The following VWA3B variants were observed in gnomAD, a reference collection of about 807,000 sequenced individuals.
VWA3B encodes the protein von Willebrand factor A domain containing 3B.
In VWA3B, 138 loss-of-function variants were observed where a neutral mutation model predicts 158.3. The ratio of observed to expected loss-of-function variants is 0.87; its 90% confidence interval spans 0.76 to 1.00. VWA3B has a LOEUF of 1.00. Ranked by LOEUF, VWA3B falls within the 50% of genes least tolerant of loss-of-function variation. VWA3B has a pLI of 0.00. For missense variants in VWA3B, 1,555 were observed against 1,565.1 expected (o/e 0.99, Z 0.11); for synonymous variants, 596 against 587.3 (o/e 1.01, Z -0.21).
chr2:98,233,368 C>T (rs961336872), intron 16 of VWA3B, among the ~76,000 whole-genome samples: 1 of 152,054 alleles, frequency 6.6e-6, no homozygotes, highest in Non-Finnish European at 1.5e-5. Flanking sequence ...GTATTTGTGG[C>T]CTTTGGGAAT....
intron 9 of VWA3B, among the ~76,000 whole-genome samples, chr2:98,182,315 C>T (rs139212899): frequency 6.6e-6 from 1 of 152,282 alleles, no homozygotes; most frequent in Non-Finnish European, 1.5e-5. Flanking sequence ...TTAGGCTGGC[C>T]GGCCACTGAG....
chr2:98,319,391 A>G, the VWA3B span, among the ~76,000 whole-genome samples: 3 of 152,226 alleles, frequency 2.0e-5, no homozygotes, highest in Admixed American at 6.5e-5. Flanking sequence ...GAGAGAAAGT[A>G]TTTGCACTAA....
chr2:98,092,756 T>C (rs934364103), intron 1 of VWA3B, among the ~76,000 whole-genome samples: 2 of 143,028 alleles, frequency 1.4e-5, no homozygotes, highest in Non-Finnish European at 3.0e-5. Context: ...CCACACATAC[T>C]ACCACCACAC....
chr2:98,119,585 C>A lies in VWA3B; in HGVS notation c.364C>A (p.Arg122=). 6.2e-7 allele frequency: 1 copy of A among 1,613,892 alleles called. No individual in the cohort carries two copies. Among genetic ancestry groups the A allele is most frequent in the Non-Finnish European group, 8.5e-7 (1 of 1,179,990 alleles). The part of the protein sequence containing the change: ...LTQAVESYKQ[R]MDWLTSKSRQ... ...ACAAGCTGTGGAGAGCTACAAGCAG[C>A]GAATGGACTGGCTCACCAGCAAGAG... is the stretch of plus-strand genomic sequence containing the variant. Residue 122 remains arginine, a synonymous_variant, in exon 4 of 28, where the codon CGA becomes AGA. Transcript: ENST00000477737.
intron 25 of VWA3B, among the ~76,000 whole-genome samples, chr2:98,301,019 G>A (rs989980039): frequency 5.3e-5 from 8 of 152,134 alleles, no homozygotes; most frequent in African/African-American, 4.8e-5. Flanking sequence ...GGCCAGGTGC[G>A]GTGGCTCACG....
intron 2 of VWA3B, 42 bp downstream of exon 2, chr2:98,093,330 T>G: frequency 2.0e-5 from 32 of 1,599,124 alleles, no homozygotes; most frequent in Non-Finnish European, 2.7e-5. Flanking sequence ...CATTTAGCCT[T>G]TGAGGTGGAG....
chr2:98,099,450 A>G (rs1406150043), intron 2 of VWA3B: 1 of 152,164 alleles, frequency 6.6e-6, no homozygotes, highest in African/African-American at 2.4e-5. Context: ...GAAGCTGGAC[A>G]TATTGGAACT....
rs1373883341 is a variant in VWA3B, at chr2:98,192,911, C to T, written c.1480C>T (p.Gln494Ter). The change falls in exon 11 of 28, where the codon CAG becomes TAG. Residue 494 changes from glutamine to a stop codon, truncating the protein, a stop_gained. Transcript: ENST00000477737. LOFTEE classifies it high-confidence loss of function. The part of the protein sequence containing the change: ...ARIRRRIKWL[Q>*]DGSQSLFGRL... Reference sequence around the variant, plus strand: ...CTTCCTGCCTAGGATTAAATGGCTACAGGATGGGAGTCAAAGCCTCTTTGG... The same window carrying T: ...CTTCCTGCCTAGGATTAAATGGCTATAGGATGGGAGTCAAAGCCTCTTTGG... The T allele has an allele frequency of 1.2e-6, 2 of 1,614,064 alleles. No homozygotes were observed. Among genetic ancestry groups the T allele is most frequent in the South Asian group, 1.1e-5 (1 of 91,088 alleles).
At chr2:98,165,869 T>A (rs560853306) in intron 8 of VWA3B, among the ~76,000 whole-genome samples, 3 of 151,940 alleles carry the variant, frequency 2.0e-5, no homozygotes, top group East Asian at 1.9e-4. Context: ...ATGAACAAAA[T>A]GAACACCAAG....
intron 2 of VWA3B, among the ~76,000 whole-genome samples, chr2:98,103,154 C>T (rs1298758656): frequency 1.3e-5 from 2 of 151,936 alleles, no homozygotes; most frequent in Non-Finnish European, 2.9e-5. Flanking sequence ...TTTTTCATTC[C>T]TGATATTGAT....
intron 22 of VWA3B, among the ~76,000 whole-genome samples, chr2:98,282,069 C>T (rs1006057957): frequency 2.6e-5 from 4 of 152,180 alleles, no homozygotes; most frequent in Admixed American, 6.5e-5. Context: ...CGTTCTTTGA[C>T]GTTAACTGTA....
intron 6 of VWA3B, among the ~76,000 whole-genome samples, chr2:98,132,713 C>T (rs1675973922): frequency 6.6e-6 from 1 of 152,202 alleles, no homozygotes; most frequent in Non-Finnish European, 1.5e-5. Context: ...CCTTGCCCTA[C>T]AGGGCAAGGG....
chr2:98,230,347 T>C (rs1685251889), intron 16 of VWA3B, 140 bp downstream of exon 16: 2 of 873,938 alleles, frequency 2.3e-6, no homozygotes, highest in Non-Finnish European at 3.2e-6. Context: ...TTAAAATAAT[T>C]GTACATTCAC....
intron 8 of VWA3B, 146 bp downstream of exon 8, chr2:98,163,122 G>C (rs990758131): frequency 5.6e-5 from 75 of 1,332,910 alleles, no homozygotes; most frequent in Non-Finnish European, 1.4e-5. Flanking sequence ...GCTGTGTGGG[G>C]TGAGGGGTGG....
intron 24 of VWA3B, among the ~76,000 whole-genome samples, chr2:98,299,558 G>T (rs1478311945): frequency 6.6e-6 from 1 of 152,218 alleles, no homozygotes; most frequent in Non-Finnish European, 1.5e-5. Flanking sequence ...CAGTGCTCTT[G>T]TACCCTGATG....
At chr2:98,254,273 A>G (rs1686976367) in intron 20 of VWA3B, among the ~76,000 whole-genome samples, 1 of 152,128 alleles carries the variant, frequency 6.6e-6, no homozygotes, top group Non-Finnish European at 1.5e-5. Context: ...AGGATCACAC[A>G]GCAGCAAAGT....
chr2:98,217,331 A>G (rs1390534025), intron 13 of VWA3B, among the ~76,000 whole-genome samples: 2 of 152,148 alleles, frequency 1.3e-5, no homozygotes, highest in Non-Finnish European at 2.9e-5. Flanking sequence ...TCCTGTGTAC[A>G]GTGAAGAAGC....
intron 12 of VWA3B, among the ~76,000 whole-genome samples, chr2:98,210,619 A>G (rs1683431897): frequency 6.6e-6 from 1 of 152,146 alleles, no homozygotes; most frequent in South Asian, 2.1e-4. Context: ...AGTCTGAGAA[A>G]GTCTTAATGG....
chr2:98,193,845 C>T (rs934102731), intron 11 of VWA3B, among the ~76,000 whole-genome samples: 3 of 152,162 alleles, frequency 2.0e-5, no homozygotes, highest in Admixed American at 6.5e-5. Context: ...GCCTCGGCCT[C>T]CCAAAGTGCT....
Sources: allele counts gnomAD v4.1 joint callset (sites outside exome capture counted in the v4.1 genomes callset), GRCh38; gene constraint gnomAD v4.1.1; transcripts MANE v1.5; gene names NCBI Gene and HGNC (gene_info 2026-07-23, HGNC 2026-07-21).